Variants in CCDC102B observed in about 807,000 individuals in gnomAD.
The protein encoded by CCDC102B is coiled-coil domain-containing protein 102B.
A neutral mutation model predicts 57.4 loss-of-function variants in CCDC102B; 75 were observed. The ratio of observed to expected loss-of-function variants is 1.31; its 90% confidence interval spans 1.08 to 1.58. The LOEUF (loss-of-function observed/expected upper bound fraction) is 1.58. CCDC102B is among the 40% of genes most tolerant of loss of function. CCDC102B has a pLI of 0.00. For missense variants in CCDC102B, 636 were observed against 582.6 expected (o/e 1.09, Z -0.94); for synonymous variants, 206 against 201.9 (o/e 1.02, Z -0.17).
chr18:68,935,415 T>A (rs1168131553), intron 6 of CCDC102B, among the ~76,000 whole-genome samples: 1 of 151,972 alleles, frequency 6.6e-6, no homozygotes, highest in Non-Finnish European at 1.5e-5. Flanking sequence ...ATCAGCCGTA[T>A]TTTGGAGAGA....
At chr18:68,949,994 C>T (rs1220275019) in intron 6 of CCDC102B, among the ~76,000 whole-genome samples, 2 of 152,000 alleles carry the variant, frequency 1.3e-5, no homozygotes, top group Admixed American at 1.3e-4. Flanking sequence ...GTCTATAATT[C>T]CTAAAATATT....
At chr18:68,989,093 CTATT>C (rs1227773657) in intron 6 of CCDC102B, among the ~76,000 whole-genome samples, 1 of 152,264 alleles carries the variant, frequency 6.6e-6, no homozygotes, top group Non-Finnish European at 1.5e-5. Context: ...CTGTTTGGCA[CTATT>C]TAGTTATTGG....
chr18:68,978,940 A>G (rs1322815597), intron 6 of CCDC102B, among the ~76,000 whole-genome samples: 1 of 152,068 alleles, frequency 6.6e-6, no homozygotes, highest in African/African-American at 2.4e-5. Flanking sequence ...CCTCAGATAT[A>G]TAATGTTGGG....
chr18:68,875,985 G>C (rs1486784996), intron 5 of CCDC102B, among the ~76,000 whole-genome samples: 1 of 152,084 alleles, frequency 6.6e-6, no homozygotes, highest in Non-Finnish European at 1.5e-5. Flanking sequence ...AGGCTGAACT[G>C]TTGAATACAA....
chr18:69,018,684 G>A (rs1026973735), intron 7 of CCDC102B, among the ~76,000 whole-genome samples: 1 of 151,964 alleles, frequency 6.6e-6, no homozygotes, highest in African/African-American at 2.4e-5. Flanking sequence ...CCCTTTATAA[G>A]TTATATGGCT....
At chr18:69,014,967 G>A (rs991369501) in intron 7 of CCDC102B, among the ~76,000 whole-genome samples, 3 of 111,428 alleles carry the variant, frequency 2.7e-5, no homozygotes, top group African/African-American at 8.7e-5. Flanking sequence ...ATGAGAGAGA[G>A]AGAGAGAGAG....
At chr18:68,982,812 A>T (rs1488620251) in intron 6 of CCDC102B, among the ~76,000 whole-genome samples, 2 of 151,940 alleles carry the variant, frequency 1.3e-5, no homozygotes, top group Non-Finnish European at 2.9e-5. Context: ...AGTAGTGGCC[A>T]ATAAAAATGT....
At chr18:68,840,125 G>T (rs1599547579) in intron 3 of CCDC102B, among the ~76,000 whole-genome samples, 1 of 152,126 alleles carries the variant, frequency 6.6e-6, no homozygotes, top group East Asian at 1.9e-4. Flanking sequence ...TTAGCACAAT[G>T]TGGAATATCT....
chr18:68,789,490 T>C (rs2035345603), intron 2 of CCDC102B, among the ~76,000 whole-genome samples: 1 of 152,022 alleles, frequency 6.6e-6, no homozygotes, highest in Non-Finnish European at 1.5e-5. Flanking sequence ...ATTTGGTCTT[T>C]TCACATAGTC....
chr18:68,963,574 C>T (rs1568356860), intron 6 of CCDC102B, among the ~76,000 whole-genome samples: 1 of 151,808 alleles, frequency 6.6e-6, no homozygotes, highest in Non-Finnish European at 1.5e-5. Context: ...ACATGAGCCC[C>T]CTCCCTGGCT....
chr18:68,938,540 C>A (rs889500579), intron 6 of CCDC102B, among the ~76,000 whole-genome samples: 2 of 151,590 alleles, frequency 1.3e-5, no homozygotes, highest in Non-Finnish European at 3.0e-5. Context: ...TAAAAATGAT[C>A]TTTTCTACTT....
chr18:68,738,939 G>A (rs535985023), intron 2 of CCDC102B, among the ~76,000 whole-genome samples: 17 of 150,490 alleles, frequency 1.1e-4, no homozygotes, highest in African/African-American at 3.9e-4. Flanking sequence ...CACACAAAGT[G>A]GATGGCCAGG....
intron 1 of CCDC102B, among the ~76,000 whole-genome samples, chr18:68,833,329 A>G (rs1165957305): frequency 6.6e-6 from 1 of 151,826 alleles, no homozygotes; most frequent in Non-Finnish European, 1.5e-5. Context: ...TGGAACTGCA[A>G]CTTTATTACA....
intron 6 of CCDC102B, among the ~76,000 whole-genome samples, chr18:68,915,687 C>T (rs1295013167): frequency 2.6e-5 from 4 of 152,132 alleles, no homozygotes; most frequent in Non-Finnish European, 4.4e-5. Context: ...GAGGTTTTTG[C>T]CATTTTTGCA....
chr18:68,825,889 A>G (rs2036887252), intron 1 of CCDC102B, among the ~76,000 whole-genome samples: 1 of 152,174 alleles, frequency 6.6e-6, no homozygotes, highest in Non-Finnish European at 1.5e-5. Flanking sequence ...CTTTAGGAAA[A>G]TGAATCTGTA....
chr18:68,953,136 A>T (rs1056405225), intron 6 of CCDC102B, among the ~76,000 whole-genome samples: 1 of 152,154 alleles, frequency 6.6e-6, no homozygotes, highest in Non-Finnish European at 1.5e-5. Context: ...CAGGATGATT[A>T]TATTTTTACA....
chr18:69,010,782 T>C (rs573265792), intron 6 of CCDC102B, 152 bp from the exon 7 acceptor site: 70 of 545,336 alleles, frequency 1.3e-4, no homozygotes, highest in African/African-American at 1.2e-3. Context: ...AATTATAATA[T>C]CTGATTACAG....
intron 7 of CCDC102B, among the ~76,000 whole-genome samples, chr18:69,045,545 A>G (rs1418935006): frequency 2.0e-5 from 3 of 152,182 alleles, no homozygotes; most frequent in Non-Finnish European, 4.4e-5. Flanking sequence ...AAAGTATCAT[A>G]CTGTATTCAA....
At chr18:68,981,641 G>A (rs1387211875) in intron 6 of CCDC102B, among the ~76,000 whole-genome samples, 1 of 152,006 alleles carries the variant, frequency 6.6e-6, no homozygotes, top group Non-Finnish European at 1.5e-5. Flanking sequence ...TTGGCCTCAT[G>A]AAACTTGGTG....
Sources: gnomAD v4.1 joint callset for allele counts (sites outside exome capture counted in the v4.1 genomes callset) on GRCh38, gnomAD v4.1.1 for gene constraint, MANE v1.5 for transcripts, NCBI Gene and HGNC (gene_info 2026-07-23, HGNC 2026-07-21) for gene names.